ACSBG1: variants seen among roughly 807,000 people sequenced by gnomAD.
The protein encoded by ACSBG1 is acyl-CoA synthetase bubblegum family member 1, also known as long-chain-fatty-acid--CoA ligase ACSBG1.
Under a neutral mutation model 80.2 loss-of-function variants are expected in ACSBG1, and 39 were observed. The ratio of observed to expected loss-of-function variants is 0.49; its 90% confidence interval spans 0.38 to 0.64. The LOEUF (loss-of-function observed/expected upper bound fraction) is 0.64, where lower values mean the gene tolerates loss of function less well. ACSBG1 is among the 30% of genes least tolerant of loss of function. The pLI, the probability that ACSBG1 is intolerant of heterozygous loss-of-function variation, is 0.00. For missense variants in ACSBG1, 828 were observed against 966.4 expected (o/e 0.86, Z 1.90); for synonymous variants, 392 against 379.5 (o/e 1.03, Z -0.38).
intron 2 of ACSBG1, among the ~76,000 whole-genome samples, chr15:78,203,102 T>C: frequency 6.6e-6 from 1 of 152,202 alleles, no homozygotes; most frequent in East Asian, 1.9e-4. Context: ...AAGATCTGTA[T>C]CGAGAGACTT....
intron 11 of ACSBG1, 138 bp from the exon 12 acceptor site, chr15:78,174,662 G>T: frequency 9.3e-7 from 1 of 1,078,468 alleles, no homozygotes; most frequent in Non-Finnish European, 1.3e-6. Flanking sequence ...AGAAGCAGTG[G>T]CAGGCCCTCC....
chr15:78,231,270 G>A (rs745720886), intron 1 of ACSBG1, among the ~76,000 whole-genome samples: 43 of 150,296 alleles, frequency 2.9e-4, no homozygotes, highest in Non-Finnish European at 4.6e-4. Flanking sequence ...ATAGGCATGC[G>A]CCACCACGCC....
At chr15:78,193,361 C>T in intron 5 of ACSBG1, 145 bp downstream of exon 5, 2 of 1,221,920 alleles carry the variant, frequency 1.6e-6, no homozygotes, top group South Asian at 3.4e-5. Context: ...GTTGCCCTGC[C>T]TTGCTTGCTG....
At chr15:78,192,390 C>T (rs1436682662) in intron 5 of ACSBG1, among the ~76,000 whole-genome samples, 1 of 152,186 alleles carries the variant, frequency 6.6e-6, no homozygotes, top group Non-Finnish European at 1.5e-5. Context: ...TTAAACCCTG[C>T]TCAGAGGCCT....
chr15:78,229,423 A>G (rs1288114603), intron 1 of ACSBG1, among the ~76,000 whole-genome samples: 1 of 152,222 alleles, frequency 6.6e-6, no homozygotes, highest in Non-Finnish European at 1.5e-5. Flanking sequence ...TCTTTCAGTG[A>G]CATTCGCCTT....
intron 3 of ACSBG1, 138 bp downstream of exon 3, chr15:78,194,368 C>T: frequency 2.5e-6 from 2 of 787,798 alleles, no homozygotes; most frequent in Non-Finnish European, 4.0e-6. Flanking sequence ...GTATCAGCCC[C>T]ACGCACAATG....
rs2074837772 is a variant in ACSBG1, at chr15:78,172,665, G to A, written c.2089+928C>T. ...ACAGCCAGATAAGCTCAAGGTCTCTGATTGCAGCTCAGCTTTGCTGTAGAC... is the reference window on the plus strand; with the variant it reads ...ACAGCCAGATAAGCTCAAGGTCTCTAATTGCAGCTCAGCTTTGCTGTAGAC... On this transcript the variant is annotated intron_variant, in intron 13 of 13. Coordinates refer to ENST00000258873, the MANE Select transcript of ACSBG1 (RefSeq NM_015162.5). This position sits in a 1 kb window ranked among gnomAD's most constrained non-coding sequence, Gnocchi z 4.1. 6.6e-6 allele frequency among the ~76,000 whole-genome samples: 1 copy of A among 152,200 alleles called. No individual in the cohort carries two copies. Among genetic ancestry groups the A allele is most frequent in the African/African-American group, 2.4e-5 (1 of 41,446 alleles).
chr15:78,171,794 AT>A, intron 13 of ACSBG1: 1 of 312,412 alleles, frequency 3.2e-6, no homozygotes. Context: ...GTTATAAAAG[AT>A]CAGTTTCTTT....
At chr15:78,207,289 T>C (rs950768908) in intron 2 of ACSBG1, among the ~76,000 whole-genome samples, 3 of 152,146 alleles carry the variant, frequency 2.0e-5, no homozygotes, top group Non-Finnish European at 4.4e-5. Context: ...TCAGGCCAGA[T>C]CCCTGCCAAA....
intron 1 of ACSBG1, among the ~76,000 whole-genome samples, chr15:78,208,460 CTGGAG>C (rs2075237186): frequency 6.6e-6 from 1 of 152,198 alleles, no homozygotes; most frequent in African/African-American, 2.4e-5. Context: ...AAGGTCCGCA[CTGGAG>C]GATTCTGAAT....
rs200824659 is a variant in ACSBG1, at chr15:78,194,693, C to T, written c.266G>A (p.Arg89Gln). ...EALWTTRADGRVRLRIDPSCP... is the reference protein window; with the variant it reads ...EALWTTRADGQVRLRIDPSCP... The stretch of plus-strand genomic sequence containing the variant: ...GCTGGGGTCTATGCGCAGGCGCACC[C>T]GCCCATCGGCCCGAGTCGTCCACAG... The change falls in exon 3 of 14, where the codon CGG becomes CAG. Residue 89 changes from arginine (R) to glutamine (Q), a missense_variant. By Grantham distance (43) the Arg-to-Gln change is conservative. This residue lies in a region of ACSBG1 where 356 missense variants were observed against 363.5 expected (regional missense o/e 0.98). Transcript: ENST00000258873. 33 of 1,613,506 alleles carry T rather than the reference C, an allele frequency of 2.0e-5. 1 individual carries two copies. Among genetic ancestry groups the T allele is most frequent in the African/African-American group, 1.1e-4 (8 of 75,060 alleles).
intron 2 of ACSBG1, 85 bp downstream of exon 2, chr15:78,207,917 T>TCCCCCCCAACACCCCCCC: frequency 1.1e-6 from 1 of 876,066 alleles, no homozygotes; most frequent in Non-Finnish European, 1.8e-6. Flanking sequence ...TGTGTGGTGG[T>TCCCCCCCAACACCCCCCC]CCCCCACACC....
chr15:78,200,228 G>T (rs1274998621), intron 2 of ACSBG1, among the ~76,000 whole-genome samples: 3 of 152,144 alleles, frequency 2.0e-5, no homozygotes, highest in African/African-American at 2.4e-5. Flanking sequence ...GGGAAGGAAG[G>T]TTCATAGGTC....
chr15:78,182,945 T>C (rs1017850656), intron 5 of ACSBG1, 160 bp from the exon 6 acceptor site: 1 of 723,384 alleles, frequency 1.4e-6, no homozygotes, highest in Non-Finnish European at 2.3e-6. Flanking sequence ...CACCCATAGT[T>C]TCCCTCCTGA....
chr15:78,169,000 G>A lies in ACSBG1; in HGVS notation c.*2444C>T. 6.3e-7 allele frequency: 1 copy of A among 1,589,978 alleles called. No individual in the cohort carries two copies. The highest frequency in any genetic ancestry group is 8.6e-7 in the Non-Finnish European group (1 of 1,159,642). Reference sequence around the variant, plus strand: ...AATCTGTCGCCGAGTAAAAGATTTAGATTAACACTTCTACAACTGGCATTT... The same window carrying A: ...AATCTGTCGCCGAGTAAAAGATTTAAATTAACACTTCTACAACTGGCATTT... On this transcript the variant is annotated 3_prime_UTR_variant, in exon 14 of 14. Transcript: ENST00000258873.
At position 78,177,919 on chromosome 15, in the gene ACSBG1, CTTATT is replaced by C. The variant is rs796397881; in HGVS notation, c.1702+690_1702+694del. Among the ~76,000 whole-genome samples the C allele has an allele frequency of 2.0e-5, 3 of 152,302 alleles. No individual in the cohort carries two copies. Among genetic ancestry groups the C allele is most frequent in the African/African-American group, 7.2e-5 (3 of 41,554 alleles). On this transcript the variant is annotated intron_variant, in intron 11 of 13. Coordinates refer to ENST00000258873, the MANE Select transcript of ACSBG1 (RefSeq NM_015162.5). This position sits in a 1 kb window ranked among gnomAD's most constrained non-coding sequence, Gnocchi z 4.1. Reference sequence around the variant, plus strand: ...ATTTCTGTCTCTGTGGGAAGTTTGTCTTATTTTAAATTTTATATCCAATTTGCATT... The same window carrying C: ...ATTTCTGTCTCTGTGGGAAGTTTGTCTTAAATTTTATATCCAATTTGCATT...
At chr15:78,199,256 T>C (rs975757768) in intron 2 of ACSBG1, among the ~76,000 whole-genome samples, 1 of 151,970 alleles carries the variant, frequency 6.6e-6, no homozygotes, top group Non-Finnish European at 1.5e-5. Flanking sequence ...ATTTTTTTTG[T>C]ATTTTTGGTA....
intron 1 of ACSBG1, among the ~76,000 whole-genome samples, chr15:78,225,515 G>C (rs6495283): frequency 0.54 from 81,377 of 151,742 alleles, 22,335 homozygotes; most frequent in East Asian, 0.67. Flanking sequence ...AAGAAAAAAT[G>C]TGCAAGATAC....
intron 1 of ACSBG1, among the ~76,000 whole-genome samples, chr15:78,214,897 T>C (rs1401643444): frequency 2.0e-5 from 3 of 152,168 alleles, no homozygotes; most frequent in Non-Finnish European, 4.4e-5. Context: ...AAAAGAATTC[T>C]ACCCTTCACC....
Sources: gnomAD v4.1 joint callset for allele counts (sites outside exome capture counted in the v4.1 genomes callset) on GRCh38, gnomAD v4.1.1 for gene constraint, gnomAD v4.1.1 regional missense constraint, Gnocchi (gnomAD v3.1) non-coding constraint, MANE v1.5 for transcripts, NCBI Gene and HGNC (gene_info 2026-07-23, HGNC 2026-07-21) for gene names.